Variants in FAM171B observed in about 807,000 individuals in gnomAD.
FAM171B encodes the protein family with sequence similarity 171 member B.
A neutral mutation model predicts 75.6 loss-of-function variants in FAM171B; 19 were observed. That is an observed-to-expected ratio of 0.25 (90% CI 0.18 to 0.37). The LOEUF (loss-of-function observed/expected upper bound fraction) is 0.37, where lower values mean the gene tolerates loss of function less well. Among genes scored for constraint, FAM171B ranks in the 10% least tolerant of loss-of-function variants. The pLI, the probability that FAM171B is intolerant of heterozygous loss-of-function variation, is 1.00. For synonymous variants in FAM171B, 367 were observed against 361.7 expected, an observed-to-expected ratio of 1.01 and a Z score of -0.17; for missense variants, 848 against 982.4, an observed-to-expected ratio of 0.86 and a Z score of 1.83.
At chr2:186,701,110 G>A (rs1267918175) in intron 1 of FAM171B, among the ~76,000 whole-genome samples, 1 of 151,682 alleles carries the variant, frequency 6.6e-6, no homozygotes, top group Non-Finnish European at 1.5e-5. Flanking sequence ...TAGTAGAGAC[G>A]GGGTTTCACC....
At chr2:186,709,202 T>A (rs937230609) in intron 1 of FAM171B, among the ~76,000 whole-genome samples, 1 of 152,090 alleles carries the variant, frequency 6.6e-6, no homozygotes, top group African/African-American at 2.4e-5. Context: ...TCTGCCCCCA[T>A]GATCCAGTCA....
chr2:186,743,528 A>G lies in FAM171B; in HGVS notation c.518A>G (p.Asn173Ser), dbSNP rs1046367228. 1 of 1,613,352 alleles carries G rather than the reference A, an allele frequency of 6.2e-7. No individual in the cohort carries two copies. Among genetic ancestry groups the G allele is most frequent in the Non-Finnish European group, 8.5e-7 (1 of 1,179,406 alleles). The stretch of plus-strand genomic sequence containing the variant: ...TCACTGTTCCCGCAAAGCCAAGCAA[A>G]TATATGGCTATTTGAAGACACTGTT... ...TLSLFPQSQA[N>S]IWLFEDTVLI... The change falls in exon 3 of 8, where the codon AAT becomes AGT. Residue 173 changes from asparagine (N) to serine (S), a missense_variant. By Grantham distance (46) the Asn-to-Ser change is conservative (BLOSUM62 1). Transcript: ENST00000304698.
intron 1 of FAM171B, among the ~76,000 whole-genome samples, chr2:186,728,239 A>G (rs1364048652): frequency 6.6e-6 from 1 of 152,236 alleles, no homozygotes; most frequent in Non-Finnish European, 1.5e-5. Flanking sequence ...ATTCTAAATT[A>G]ATTTCTACAT....
intron 1 of FAM171B, among the ~76,000 whole-genome samples, chr2:186,735,187 G>T (rs528574896): frequency 6.6e-6 from 1 of 152,150 alleles, no homozygotes; most frequent in Non-Finnish European, 1.5e-5. Context: ...TGCTCCACAC[G>T]GGCTGTCACT....
rs1192547084 is a variant in FAM171B at position 186,723,605 on chromosome 2, G to GCAA, written c.239-16619_239-16617dup. Among the ~76,000 whole-genome samples the GCAA allele has an allele frequency of 1.2e-4, 19 of 152,236 alleles. No homozygotes were observed. In the South Asian group the frequency reaches 3.9e-3, roughly 32 times the overall value. Reference sequence around the variant, plus strand: ...CATATGTTTGTTTTTCTAAGGCAAAGCAACAATGTTGGTCCTAATCTTGCA... The same window carrying GCAA: ...CATATGTTTGTTTTTCTAAGGCAAAGCAACAACAATGTTGGTCCTAATCTTGCA... On this transcript the variant is annotated intron_variant, in intron 1 of 7. Coordinates refer to ENST00000304698, the MANE Select transcript of FAM171B (RefSeq NM_177454.4).
rs759700274 is a variant in FAM171B, at chr2:186,762,445, T to A, written c.2103T>A (p.Asn701Lys). The change falls in exon 8 of 8, where the codon AAT becomes AAA. Residue 701 changes from asparagine (N) to lysine (K), a missense_variant. Physicochemically the swap from Asn to Lys is moderately conservative, Grantham distance 94. Around this residue, in one of 3 missense-constraint regions of FAM171B, gnomAD observed 136 missense variants for 159.3 expected, o/e 0.85. Coordinates refer to ENST00000304698, the MANE Select transcript of FAM171B (RefSeq NM_177454.4). The surrounding 1 kb of genome is among the most constrained non-coding windows in gnomAD (Gnocchi z 4.0). The stretch of plus-strand genomic sequence containing the variant: ...AAAAGGGCAAGAGAACCCAGAGCAA[T>A]GACACCAGTCTGGACTCTGGGGTGG... ...DLKKGKRTQS[N>K]DTSLDSGVDM... The A allele has an allele frequency of 6.2e-6, 10 of 1,613,552 alleles. No homozygotes were observed. Among genetic ancestry groups the A allele is most frequent in the Non-Finnish European group, 8.5e-6 (10 of 1,179,770 alleles).
rs766983562 is a variant in FAM171B at position 186,694,161 on chromosome 2, C to A, written c.-13C>A. On this transcript the variant is annotated 5_prime_UTR_variant, in exon 1 of 8. It adds an upstream start codon to the 5' untranslated region. Transcript: ENST00000304698. The stretch of plus-strand genomic sequence containing the variant: ...CCCCGCAATATGCCGCCGCGGCCCT[C>A]TGGCTCTAGGCCATGGCGAGGCTCT... The A allele has an allele frequency of 3.4e-5, 53 of 1,560,312 alleles. No individual in the cohort carries two copies. The highest frequency in any genetic ancestry group is 4.3e-5 in the Non-Finnish European group (50 of 1,157,880).
At chr2:186,719,349 G>A (rs1169834819) in intron 1 of FAM171B, among the ~76,000 whole-genome samples, 1 of 152,138 alleles carries the variant, frequency 6.6e-6, no homozygotes, top group African/African-American at 2.4e-5. Flanking sequence ...GGAGAGAAAG[G>A]CTTCTGTAAA....
At position 186,712,320 on chromosome 2, in the gene FAM171B, A is replaced by T. The variant is rs117859737; in HGVS notation, c.238+17909A>T. Among the ~76,000 whole-genome samples, 134 of 152,200 alleles carry T rather than the reference A, an allele frequency of 8.8e-4. 1 individual carries two copies. The East Asian group carries it at 0.022, about 25-fold the overall frequency. ...ATTCTGCCTTTTTCTTTGTGCCCAT[A>T]GTATGTCCCAACATATGTTTAAATG... is the stretch of plus-strand genomic sequence containing the variant. On this transcript the variant is annotated intron_variant, in intron 1 of 7. Coordinates refer to ENST00000304698, the MANE Select transcript of FAM171B (RefSeq NM_177454.4).
At chr2:186,747,537 A>AC (rs1411766663) in intron 4 of FAM171B, among the ~76,000 whole-genome samples, 1 of 152,136 alleles carries the variant, frequency 6.6e-6, no homozygotes, top group Non-Finnish European at 1.5e-5. Context: ...GGTAAGGTAT[A>AC]GAAAATAGTT....
intron 6 of FAM171B, among the ~76,000 whole-genome samples, chr2:186,757,254 C>T (rs1690546311): frequency 6.6e-6 from 1 of 152,082 alleles, no homozygotes; most frequent in South Asian, 2.1e-4. Context: ...TCCCAACACC[C>T]AGAAAATTCC....
chr2:186,731,790 C>T (rs1690117794), intron 1 of FAM171B, among the ~76,000 whole-genome samples: 1 of 152,138 alleles, frequency 6.6e-6, no homozygotes, highest in Non-Finnish European at 1.5e-5. Context: ...ATGGCCTGGG[C>T]TCCACCTCTT....
chr2:186,756,340 T>G (rs539263021), intron 6 of FAM171B, among the ~76,000 whole-genome samples: 1 of 152,344 alleles, frequency 6.6e-6, no homozygotes, highest in South Asian at 2.1e-4. Context: ...TGATAGCCCT[T>G]ACTTTGTAAT....
At chr2:186,724,475 T>C (rs1690002154) in intron 1 of FAM171B, among the ~76,000 whole-genome samples, 1 of 152,202 alleles carries the variant, frequency 6.6e-6, no homozygotes, top group Admixed American at 6.5e-5. Context: ...AGCTCACAGC[T>C]AGAAGAAATA....
intron 1 of FAM171B, among the ~76,000 whole-genome samples, chr2:186,719,538 A>C (rs1689922088): frequency 6.6e-6 from 1 of 152,206 alleles, no homozygotes; most frequent in South Asian, 2.1e-4. Context: ...ATCTATCAAG[A>C]GACTGTTGTG....
At position 186,764,997 on chromosome 2, in the gene FAM171B, C is replaced by G. The variant is rs2105795250; in HGVS notation, c.*2174C>G. On this transcript the variant is annotated 3_prime_UTR_variant, in exon 8 of 8. Transcript: ENST00000304698. ...GTAAGGGAAATGAGATGATGTATCCCAAGGGCTTTTCTAGAACTACTTGTT... is the reference window on the plus strand; with the variant it reads ...GTAAGGGAAATGAGATGATGTATCCGAAGGGCTTTTCTAGAACTACTTGTT... 1 of 151,954 alleles carries G rather than the reference C, an allele frequency of 6.6e-6. No homozygotes were observed. Among genetic ancestry groups the G allele is most frequent in the East Asian group, 1.9e-4 (1 of 5,168 alleles). The allele number at this position is 151,954 out of a possible 1,614,324, so 9.4% of individuals were successfully genotyped here.
chr2:186,731,668 C>T (rs1559087005), intron 1 of FAM171B, among the ~76,000 whole-genome samples: 1 of 152,170 alleles, frequency 6.6e-6, no homozygotes, highest in African/African-American at 2.4e-5. Flanking sequence ...GGGACACAGA[C>T]AGATACAGAT....
At chr2:186,731,560 C>T (rs1690114193) in intron 1 of FAM171B, among the ~76,000 whole-genome samples, 1 of 152,172 alleles carries the variant, frequency 6.6e-6, no homozygotes. Context: ...TCAAATTGAG[C>T]AGCAGCTACT....
rs375280066 is a variant in FAM171B, at chr2:186,762,174, A to G, written c.1832A>G (p.Gln611Arg). The G allele has an allele frequency of 1.6e-5, 26 of 1,613,622 alleles. No individual in the cohort carries two copies. Among genetic ancestry groups the G allele is most frequent in the Non-Finnish European group, 1.9e-5 (22 of 1,179,806 alleles). ...GAGGATATCATACTTGAAGGTCAAC[A>G]GAGCCTGCCATCCCAGGCTTCAGAT... ...REEDIILEGQ[Q>R]SLPSQASDWS... is the part of the protein sequence containing the mutation. Residue 611 changes from glutamine (Q) to arginine (R), a missense_variant, in exon 8 of 8, where the codon CAG (glutamine) becomes CGG (arginine). Gln to Arg is a conservative substitution (Grantham distance 43, BLOSUM62 1). Around this residue, in one of 3 missense-constraint regions of FAM171B, gnomAD observed 665 missense variants for 729.0 expected, o/e 0.91. Transcript: ENST00000304698. The surrounding 1 kb of genome is among the most constrained non-coding windows in gnomAD (Gnocchi z 4.0).
Sources: allele counts gnomAD v4.1 joint callset (sites outside exome capture counted in the v4.1 genomes callset), GRCh38; gene constraint gnomAD v4.1.1; regional missense constraint gnomAD v4.1.1; non-coding constraint Gnocchi (gnomAD v3.1); transcripts MANE v1.5; gene names NCBI Gene and HGNC (gene_info 2026-07-23, HGNC 2026-07-21).